Variants in BCOR observed in about 807,000 individuals in gnomAD.
BCOR encodes the protein BCL6 corepressor.
Under a neutral mutation model 86.7 loss-of-function variants are expected in BCOR, and 10 were observed. That is an observed-to-expected ratio of 0.12 (90% confidence interval 0.07 to 0.20). The LOEUF (loss-of-function observed/expected upper bound fraction) is 0.20, where lower values mean the gene tolerates loss of function less well. BCOR is among the 10% of genes least tolerant of loss of function. The probability of loss-of-function intolerance (pLI) is 1.00; values close to 1 mark genes in which losing one functional copy is unlikely to be tolerated. For synonymous variants in BCOR, 611 were observed against 609.0 expected, an observed-to-expected ratio of 1.00 and a Z score of -0.05; for missense variants, 1,259 against 1,452.1, an observed-to-expected ratio of 0.87 and a Z score of 2.16.
At chrX:40,092,083 C>A (rs187697527) in intron 1 of BCOR, among the ~76,000 whole-genome samples, 1 of 112,103 alleles carries the variant, frequency 8.9e-6, no homozygotes, top group Non-Finnish European at 1.9e-5. Context: ...AAGGGTGGGG[C>A]GGGGCGGCCG....
At chrX:40,141,018 G>A (rs1368205332) in intron 1 of BCOR, among the ~76,000 whole-genome samples, 10 of 112,771 alleles carry the variant, frequency 8.9e-5, no homozygotes, top group Admixed American at 5.6e-4. Flanking sequence ...CTCTTGGGAA[G>A]CTCTGGGTGA....
At chrX:40,153,209 C>T (rs1364011342) in intron 1 of BCOR, among the ~76,000 whole-genome samples, 2 of 112,978 alleles carry the variant, frequency 1.8e-5, no homozygotes, top group Non-Finnish European at 3.8e-5. Context: ...TTTCTGCACA[C>T]CTCCGCCCTA....
chrX:40,071,274 A>G (rs1384268820), intron 5 of BCOR, 115 bp from the exon 6 acceptor site: 2 of 716,261 alleles, frequency 2.8e-6, no homozygotes, highest in Non-Finnish European at 4.1e-6. Context: ...AAAACCAACC[A>G]CAGCTTATGA....
chrX:40,112,275 CCTA>C (rs1937324929), intron 1 of BCOR, among the ~76,000 whole-genome samples: 1 of 111,494 alleles, frequency 9.0e-6, no homozygotes, highest in African/African-American at 3.3e-5. Flanking sequence ...TTAAATACCA[CCTA>C]CTTATTGATG....
At chrX:40,078,541 T>C (rs1935924312) in intron 1 of BCOR, among the ~76,000 whole-genome samples, 1 of 111,629 alleles carries the variant, frequency 9.0e-6, no homozygotes, top group African/African-American at 3.3e-5. Context: ...AGATCAAGTG[T>C]GAAAAAGAGT....
chrX:40,087,762 T>G (rs1040401054), intron 1 of BCOR, among the ~76,000 whole-genome samples: 4 of 112,278 alleles, frequency 3.6e-5, no homozygotes, highest in African/African-American at 1.3e-4. Flanking sequence ...TTCGCCTGCT[T>G]AGAGTCCTGG....
At chrX:40,078,316 A>C (rs1217199902) in intron 1 of BCOR, among the ~76,000 whole-genome samples, 1 of 112,417 alleles carries the variant, frequency 8.9e-6, no homozygotes, top group Non-Finnish European at 1.9e-5. Flanking sequence ...GCCACTTGTT[A>C]AAGAAGGTAA....
chrX:40,156,636 C>T (rs1303171222), intron 1 of BCOR, among the ~76,000 whole-genome samples: 1 of 112,838 alleles, frequency 8.9e-6, no homozygotes, highest in Non-Finnish European at 1.9e-5. Context: ...GAGGCGCCTC[C>T]CCAACCCCTG....
At chrX:40,084,710 C>CCCCCCA (rs1555923364) in intron 1 of BCOR, among the ~76,000 whole-genome samples, 5 of 98,795 alleles carry the variant, frequency 5.1e-5, no homozygotes, top group African/African-American at 1.9e-4. Flanking sequence ...GCCACCCCCC[C>CCCCCCA]CCACCACCAC....
intron 1 of BCOR, among the ~76,000 whole-genome samples, chrX:40,086,097 G>A (rs1465415186): frequency 9.0e-6 from 1 of 111,282 alleles, no homozygotes; most frequent in East Asian, 2.8e-4. Flanking sequence ...AGGGATGTGG[G>A]TAATCAAAAG....
intron 1 of BCOR, among the ~76,000 whole-genome samples, chrX:40,121,253 C>T (rs1000955786): frequency 1.8e-5 from 2 of 111,890 alleles, no homozygotes; most frequent in Non-Finnish European, 3.8e-5. Context: ...CCCCTTCCCA[C>T]ATCCAGCCGT....
At chrX:40,079,855 T>C (rs928891022) in intron 1 of BCOR, among the ~76,000 whole-genome samples, 2 of 109,811 alleles carry the variant, frequency 1.8e-5, no homozygotes, top group Non-Finnish European at 3.8e-5. Flanking sequence ...AGTGGCAGTG[T>C]CCCCTCTCCG....
At chrX:40,154,067 C>T (rs989669153) in intron 1 of BCOR, among the ~76,000 whole-genome samples, 31 of 111,589 alleles carry the variant, frequency 2.8e-4, no homozygotes, top group Non-Finnish European at 5.1e-4. Flanking sequence ...CAAAGGGAGG[C>T]GGCGGGGGAG....
chrX:40,123,136 C>T (rs1331504823), intron 1 of BCOR, among the ~76,000 whole-genome samples: 1 of 111,105 alleles, frequency 9.0e-6, no homozygotes, highest in Non-Finnish European at 1.9e-5. Flanking sequence ...TAGAGATCTC[C>T]ATTTGGGCCA....
At position 40,077,825 on chromosome X, in the gene BCOR, C is replaced by A. The variant is rs1222964499; in HGVS notation, c.86+19G>T. On this transcript the variant is annotated intron_variant, in intron 2 of 14. Transcript: ENST00000378444. ...GGGCGTGGGCTCCACTCAGGCCCGG[C>A]CCAGATGGGCGCATTCACCTGTCTT... The A allele has an allele frequency of 1.7e-6, 2 of 1,204,192 alleles. No homozygotes were observed. Among genetic ancestry groups the A allele is most frequent in the African/African-American group, 1.7e-5 (1 of 57,756 alleles).
chrX:40,148,476 C>T lies in BCOR; in HGVS notation c.-41+28531G>A, dbSNP rs143012785. On this transcript the variant is annotated intron_variant, in intron 1 of 14. Coordinates refer to the BCOR transcript ENST00000342274. ...CCTCCTCCAAACCGGATTGCCTAGC[C>T]TGAATGCAGAGTCCAGGCAGAGCAG... 2.5e-3 allele frequency among the ~76,000 whole-genome samples: 275 copies of T among 111,134 alleles called. 2 individuals carry two copies. The highest frequency in any genetic ancestry group is 7.9e-3 in the African/African-American group (240 of 30,544).
chrX:40,144,592 T>C (rs1042497081), intron 1 of BCOR, among the ~76,000 whole-genome samples: 1 of 112,307 alleles, frequency 8.9e-6, no homozygotes, highest in Admixed American at 9.4e-5. Flanking sequence ...GGAGTTTCCA[T>C]CTTTCTTATT....
chrX:40,126,585 T>C (rs1937547500), intron 1 of BCOR, among the ~76,000 whole-genome samples: 1 of 108,931 alleles, frequency 9.2e-6, no homozygotes, highest in Non-Finnish European at 1.9e-5. Context: ...AAAAGAATCA[T>C]CTGGCTGGGC....
At chrX:40,149,830 C>T (rs1214276365) in intron 1 of BCOR, among the ~76,000 whole-genome samples, 2 of 111,826 alleles carry the variant, frequency 1.8e-5, no homozygotes, top group African/African-American at 3.3e-5. Context: ...CCAATGGCTC[C>T]GAATATGCTT....
Sources: gnomAD v4.1 joint callset for allele counts (sites outside exome capture counted in the v4.1 genomes callset) on GRCh38, gnomAD v4.1.1 for gene constraint, MANE v1.5 for transcripts, NCBI Gene and HGNC (gene_info 2026-07-23, HGNC 2026-07-21) for gene names.